HS6ST3: variants seen among roughly 807,000 people sequenced by gnomAD.
The protein encoded by HS6ST3 is heparan sulfate 6-O-sulfotransferase 3, also known as heparan-sulfate 6-O-sulfotransferase 3.
HS6ST3 carries 12 observed loss-of-function variants against 36.7 expected under a neutral mutation model. The observed-to-expected ratio is 0.33, with a 90% confidence interval of 0.21 to 0.53. The LOEUF is 0.53. Among genes scored for constraint, HS6ST3 ranks in the 20% least tolerant of loss-of-function variants. The pLI is 0.95. For missense variants in HS6ST3, 584 were observed against 640.9 expected (o/e 0.91, Z 0.96); for synonymous variants, 240 against 257.5 (o/e 0.93, Z 0.65).
At chr13:96,502,400 A>G (rs1317713850) in intron 1 of HS6ST3, among the ~76,000 whole-genome samples, 1 of 151,204 alleles carries the variant, frequency 6.6e-6, no homozygotes, top group Non-Finnish European at 1.5e-5. Context: ...AACACTTTAA[A>G]TGGGAACAGA....
intron 1 of HS6ST3, among the ~76,000 whole-genome samples, chr13:96,586,171 T>A (rs532176203): frequency 6.6e-6 from 1 of 152,344 alleles, no homozygotes; most frequent in African/African-American, 2.4e-5. Context: ...CTTGCTAGTA[T>A]CTTTTGTCAT....
At chr13:96,626,856 T>A (rs1426120448) in intron 1 of HS6ST3, among the ~76,000 whole-genome samples, 1 of 152,134 alleles carries the variant, frequency 6.6e-6, no homozygotes, top group African/African-American at 2.4e-5. Context: ...AAATACATAT[T>A]GTTACTGGCA....
At chr13:96,497,262 T>C (rs2055981848) in intron 1 of HS6ST3, among the ~76,000 whole-genome samples, 2 of 152,156 alleles carry the variant, frequency 1.3e-5, no homozygotes, top group African/African-American at 2.4e-5. Flanking sequence ...GGTATAGGAC[T>C]GCTAATGTTA....
At chr13:96,511,392 A>G (rs996401810) in intron 1 of HS6ST3, among the ~76,000 whole-genome samples, 2 of 152,082 alleles carry the variant, frequency 1.3e-5, no homozygotes, top group Admixed American at 6.6e-5. Flanking sequence ...CCATATCCTC[A>G]TCCCTCCAAT....
intron 1 of HS6ST3, among the ~76,000 whole-genome samples, chr13:96,659,802 C>T (rs1331401986): frequency 6.6e-6 from 1 of 152,038 alleles, no homozygotes; most frequent in Admixed American, 6.6e-5. Context: ...AATCAACTGA[C>T]TTCATGTGTG....
At chr13:96,589,917 A>G (rs1230696140) in intron 1 of HS6ST3, among the ~76,000 whole-genome samples, 1 of 152,250 alleles carries the variant, frequency 6.6e-6, no homozygotes, top group East Asian at 1.9e-4. Flanking sequence ...TCTCCCACAT[A>G]TAAGTTATAA....
At chr13:96,145,259 C>T (rs1035860975) in intron 1 of HS6ST3, among the ~76,000 whole-genome samples, 2 of 151,320 alleles carry the variant, frequency 1.3e-5, no homozygotes, top group Non-Finnish European at 2.9e-5. Context: ...AACTAGTTTA[C>T]AGTCCCACCA....
chr13:96,742,172 C>T (rs1022306588), intron 1 of HS6ST3, among the ~76,000 whole-genome samples: 1 of 152,006 alleles, frequency 6.6e-6, no homozygotes, highest in South Asian at 2.1e-4. Flanking sequence ...AGAAAGAAAA[C>T]AGTGTATGTC....
chr13:96,329,960 CT>C (rs1233085866), intron 1 of HS6ST3, among the ~76,000 whole-genome samples: 1 of 150,748 alleles, frequency 6.6e-6, no homozygotes, highest in Admixed American at 6.6e-5. Context: ...CTCTTTTGAT[CT>C]TTGTTGGTTT....
chr13:96,184,992 A>G (rs1020652108), intron 1 of HS6ST3, among the ~76,000 whole-genome samples: 2 of 152,214 alleles, frequency 1.3e-5, no homozygotes, highest in African/African-American at 4.8e-5. Context: ...CATTTTCACA[A>G]TTTACAAATA....
intron 1 of HS6ST3, among the ~76,000 whole-genome samples, chr13:96,376,892 G>C (rs1032270363): frequency 6.6e-6 from 1 of 151,968 alleles, no homozygotes; most frequent in Admixed American, 6.6e-5. Context: ...GATGCTGGAG[G>C]ATCACTTGAG....
chr13:96,509,419 T>C (rs2056039887), intron 1 of HS6ST3, among the ~76,000 whole-genome samples: 1 of 152,166 alleles, frequency 6.6e-6, no homozygotes, highest in Non-Finnish European at 1.5e-5. Context: ...ATTATTTGCC[T>C]AAACCAATGT....
At chr13:96,298,016 A>C (rs2054863535) in intron 1 of HS6ST3, among the ~76,000 whole-genome samples, 1 of 152,212 alleles carries the variant, frequency 6.6e-6, no homozygotes, top group African/African-American at 2.4e-5. Flanking sequence ...ATTTTAAATA[A>C]AAATTTCTTA....
intron 1 of HS6ST3, among the ~76,000 whole-genome samples, chr13:96,393,000 T>C (rs1328053): frequency 0.32 from 49,127 of 152,002 alleles, 8,706 homozygotes; most frequent in Non-Finnish European, 0.41. Context: ...TGGGAGATGA[T>C]TGAATTGTGG....
intron 1 of HS6ST3, among the ~76,000 whole-genome samples, chr13:96,115,867 G>A (rs2053891649): frequency 6.6e-6 from 1 of 152,192 alleles, no homozygotes; most frequent in South Asian, 2.1e-4. Context: ...CACCAACAGT[G>A]TAAAAGTTTT....
intron 1 of HS6ST3, among the ~76,000 whole-genome samples, chr13:96,364,882 G>C (rs887290982): frequency 6.6e-6 from 1 of 152,136 alleles, no homozygotes; most frequent in East Asian, 1.9e-4. Context: ...ACAGGATTAT[G>C]TCAGACCTTC....
intron 1 of HS6ST3, among the ~76,000 whole-genome samples, chr13:96,569,552 T>C (rs1243683819): frequency 6.6e-6 from 1 of 152,148 alleles, no homozygotes; most frequent in African/African-American, 2.4e-5. Flanking sequence ...GCTGGAAGGA[T>C]AACAACTGGT....
chr13:96,799,972 ATATATATATG>A (rs1566456805), intron 1 of HS6ST3, among the ~76,000 whole-genome samples: 5 of 97,054 alleles, frequency 5.2e-5, no homozygotes, highest in African/African-American at 2.3e-4. Flanking sequence ...ATGTGTATAT[ATATATATATG>A]TATATATATA....
In HS6ST3 at chr13:96,355,962, A is replaced by G. The variant is rs2055208216; in HGVS notation, c.707+264393A>G. Among the ~76,000 whole-genome samples the G allele has an allele frequency of 1.3e-5, 2 of 152,192 alleles. 1 individual carries two copies. The highest frequency in any genetic ancestry group is 1.3e-4 in the Admixed American group (2 of 15,264). ...TACAACAATGTTCAGCATCTTCACC[A>G]TGAGTAGTTTCCATTTCAAGAAATC... On this transcript the variant is annotated intron_variant, in intron 1 of 1. Coordinates refer to ENST00000376705, the MANE Select transcript of HS6ST3 (RefSeq NM_153456.4).
Sources: gnomAD v4.1 joint callset for allele counts (sites outside exome capture counted in the v4.1 genomes callset) on GRCh38, gnomAD v4.1.1 for gene constraint, MANE v1.5 for transcripts, NCBI Gene and HGNC (gene_info 2026-07-23, HGNC 2026-07-21) for gene names.